The following LGSN variants were observed in gnomAD, a reference collection of about 807,000 sequenced individuals.
LGSN encodes lengsin.
A neutral mutation model predicts 19.5 loss-of-function variants in LGSN; 21 were observed. That is an observed-to-expected ratio of 1.07 (90% CI 0.76 to 1.55). The LOEUF (loss-of-function observed/expected upper bound fraction) is 1.55, where lower values mean the gene tolerates loss of function less well. LGSN is among the 40% of genes most tolerant of loss of function. The pLI, the probability that LGSN is intolerant of heterozygous loss-of-function variation, is 0.00. For missense variants in LGSN, 673 were observed against 608.5 expected, an observed-to-expected ratio of 1.11 and a Z score of -1.12; for synonymous variants, 257 against 215.6, an observed-to-expected ratio of 1.19 and a Z score of -1.68.
the LGSN span, among the ~76,000 whole-genome samples, chr6:63,337,266 C>T: frequency 1.3e-5 from 2 of 151,896 alleles, no homozygotes; most frequent in Admixed American, 6.6e-5. Context: ...TACAAAAAGC[C>T]AGCCTGGCCA....
chr6:63,555,665 G>GTATGC, the LGSN span, among the ~76,000 whole-genome samples: 1 of 150,438 alleles, frequency 6.6e-6, no homozygotes, highest in Admixed American at 6.6e-5. Flanking sequence ...TCAACAGAAA[G>GTATGC]TATGCAATTC....
At chr6:63,545,429 G>A in the LGSN span, among the ~76,000 whole-genome samples, 1 of 152,050 alleles carries the variant, frequency 6.6e-6, no homozygotes, top group African/African-American at 2.4e-5. Context: ...GGCCAACAGG[G>A]TGAAAGCTTG....
the LGSN span, among the ~76,000 whole-genome samples, chr6:63,393,294 TC>T: frequency 6.6e-6 from 1 of 151,638 alleles, no homozygotes; most frequent in African/African-American, 2.4e-5. Context: ...CAGCCTCTCC[TC>T]CCCAACCTGT....
chr6:63,306,390 T>C (rs1562015761), intron 1 of LGSN, among the ~76,000 whole-genome samples: 2 of 152,226 alleles, frequency 1.3e-5, no homozygotes, highest in Admixed American at 6.5e-5. Flanking sequence ...ATAAAACTTG[T>C]TCAACTTCTT....
At chr6:63,428,641 G>C in the LGSN span, among the ~76,000 whole-genome samples, 3 of 152,270 alleles carry the variant, frequency 2.0e-5, no homozygotes, top group African/African-American at 7.2e-5. Flanking sequence ...ATGAGCCACC[G>C]CACCCGACCA....
chr6:63,472,670 G>GT, the LGSN span, among the ~76,000 whole-genome samples: 3 of 152,196 alleles, frequency 2.0e-5, no homozygotes, highest in South Asian at 6.2e-4. Context: ...GCCGGGCGCG[G>GT]TGGCTCAAGC....
chr6:63,331,604 C>A, the LGSN span, among the ~76,000 whole-genome samples: 1 of 152,068 alleles, frequency 6.6e-6, no homozygotes, highest in Non-Finnish European at 1.5e-5. Flanking sequence ...CCCTGCTGAT[C>A]GGAATAGTTG....
At chr6:63,406,776 G>T in the LGSN span, among the ~76,000 whole-genome samples, 12 of 151,706 alleles carry the variant, frequency 7.9e-5, no homozygotes, top group African/African-American at 2.9e-4. Flanking sequence ...TTGATAGACT[G>T]CTAGCAAGAC....
the LGSN span, among the ~76,000 whole-genome samples, chr6:63,554,348 T>C: frequency 4.6e-5 from 7 of 152,214 alleles, no homozygotes; most frequent in Non-Finnish European, 1.0e-4. Flanking sequence ...GTCCAGAACT[T>C]GACCAGAAAT....
chr6:63,495,121 T>C, the LGSN span, among the ~76,000 whole-genome samples: 1 of 152,260 alleles, frequency 6.6e-6, no homozygotes, highest in South Asian at 2.1e-4. Context: ...ATAGATTTTA[T>C]AGATTATTAT....
chr6:63,382,128 T>C, the LGSN span, among the ~76,000 whole-genome samples: 1 of 152,218 alleles, frequency 6.6e-6, no homozygotes, highest in Admixed American at 6.5e-5. Flanking sequence ...CCCTTGAATA[T>C]TGTATTTCCT....
At chr6:63,332,986 C>G in the LGSN span, among the ~76,000 whole-genome samples, 444 of 152,056 alleles carry the variant, frequency 2.9e-3, 3 homozygotes, top group African/African-American at 0.01. Flanking sequence ...CGTGGTCTCT[C>G]TGGCTTCAGG....
chr6:63,412,718 G>GGAAAGAAAGAAAGAAAGAAAGAAA, the LGSN span, among the ~76,000 whole-genome samples: 2 of 54,750 alleles, frequency 3.7e-5, no homozygotes, highest in Admixed American at 2.6e-4. Context: ...AGGGAAGGAA[G>GGAAAGAAAGAAAGAAAGAAAGAAA]GAAAGAAAGA....
At chr6:63,505,542 C>A in the LGSN span, among the ~76,000 whole-genome samples, 2 of 62,442 alleles carry the variant, frequency 3.2e-5, no homozygotes, top group African/African-American at 2.6e-4. Context: ...CAGGACAGAG[C>A]AAGAATCTGT....
In LGSN at chr6:63,278,286, G is replaced by A. The variant is rs550602513; in HGVS notation, c.*1735C>T. The A allele has an allele frequency of 6.6e-6, 1 of 151,926 alleles. No homozygotes were observed. The highest frequency in any genetic ancestry group is 2.4e-5 in the African/African-American group (1 of 41,342). 9.4% of individuals were successfully genotyped at this position (151,926 alleles called of 1,614,324 possible). On this transcript the variant is annotated 3_prime_UTR_variant, in exon 4 of 4. Transcript: ENST00000370657. ...AACAGAGGGGAAAATGAACAGAGGG[G>A]AATTTTCTAGCAGACAGCTAGAAAA...
chr6:63,465,307 G>A, the LGSN span, among the ~76,000 whole-genome samples: 11 of 151,750 alleles, frequency 7.2e-5, no homozygotes, highest in South Asian at 1.5e-3. Context: ...CAGCCTCCTC[G>A]GTAGCTGGGA....
chr6:63,419,880 CAAAAAAAAAAA>C, the LGSN span, among the ~76,000 whole-genome samples: 12 of 57,338 alleles, frequency 2.1e-4, no homozygotes, highest in African/African-American at 1.1e-3. Context: ...AACTCCCTCC[CAAAAAAAAAAA>C]AAAAAAAAAA....
intron 3 of LGSN, 110 bp from the exon 4 acceptor site, chr6:63,281,330 T>TATATATATATATATATATATAA (rs1360072081): frequency 3.3e-5 from 5 of 149,518 alleles, no homozygotes; most frequent in Admixed American, 7.7e-5. Flanking sequence ...TATATATATA[T>TATATATATATATATATATATAA]AATAAATATA....
At chr6:63,450,030 A>G in the LGSN span, among the ~76,000 whole-genome samples, 1 of 152,082 alleles carries the variant, frequency 6.6e-6, no homozygotes, top group South Asian at 2.1e-4. Flanking sequence ...CTTCCTTAGT[A>G]GAAAACCAAT....
Sources: gnomAD v4.1 joint callset for allele counts (sites outside exome capture counted in the v4.1 genomes callset) on GRCh38, gnomAD v4.1.1 for gene constraint, MANE v1.5 for transcripts, NCBI Gene and HGNC (gene_info 2026-07-23, HGNC 2026-07-21) for gene names.